The following CACNG2 variants were observed in gnomAD, a reference collection of about 807,000 sequenced individuals.
CACNG2 encodes the protein calcium voltage-gated channel auxiliary subunit gamma 2.
In CACNG2, 3 loss-of-function variants were observed where a neutral mutation model predicts 25.9. The observed-to-expected ratio is 0.12, with a 90% CI of 0.05 to 0.30. The LOEUF is 0.30. CACNG2 is among the 10% of genes least tolerant of loss of function. The pLI is 1.00. For synonymous variants in CACNG2, 167 were observed against 173.3 expected, an observed-to-expected ratio of 0.96 and a Z score of 0.29; for missense variants, 341 against 432.5, an observed-to-expected ratio of 0.79 and a Z score of 1.88.
intron 1 of CACNG2, among the ~76,000 whole-genome samples, chr22:36,685,763 C>T (rs2284011): frequency 0.19 from 28,310 of 152,270 alleles, 3,342 homozygotes; most frequent in African/African-American, 0.32. Flanking sequence ...GCTGATTCCA[C>T]GGGAAGCCAA....
chr22:36,690,924 A>T (rs1937260795), intron 1 of CACNG2, among the ~76,000 whole-genome samples: 1 of 152,232 alleles, frequency 6.6e-6, no homozygotes. Context: ...TTGCTTTGTG[A>T]TGGGGCCTCT....
intron 1 of CACNG2, among the ~76,000 whole-genome samples, chr22:36,631,420 A>G (rs131829): frequency 0.79 from 120,048 of 152,022 alleles, 47,492 homozygotes; most frequent in African/African-American, 0.84. Context: ...CCTCTGTGTC[A>G]GCAGTGTCCT....
intron 1 of CACNG2, among the ~76,000 whole-genome samples, chr22:36,656,920 T>C (rs1048853247): frequency 3.3e-5 from 5 of 152,182 alleles, no homozygotes; most frequent in African/African-American, 1.2e-4. Flanking sequence ...GACCTATATT[T>C]TGCTTTATTT....
intron 2 of CACNG2, among the ~76,000 whole-genome samples, chr22:36,580,142 T>C (rs1324833947): frequency 1.3e-5 from 2 of 152,128 alleles, no homozygotes; most frequent in Admixed American, 6.5e-5. Flanking sequence ...ATGAGCATCA[T>C]CCCCATTGCA....
chr22:36,564,972 A>T lies in CACNG2; in HGVS notation c.437-86T>A. Reference sequence around the variant, plus strand: ...GTCGGCCACAGGGCAGCCGTAAAGGACGGGGACAGCTGTGTGGGCCTTCCC... The same window carrying T: ...GTCGGCCACAGGGCAGCCGTAAAGGTCGGGGACAGCTGTGTGGGCCTTCCC... On this transcript the variant is annotated intron_variant, in intron 3 of 3. Transcript: ENST00000300105. The surrounding 1 kb of genome is among the most constrained non-coding windows in gnomAD (Gnocchi z 6.7). The T allele has an allele frequency of 2.4e-6, 3 of 1,261,388 alleles. No individual in the cohort carries two copies. In the South Asian group the frequency reaches 3.6e-5, roughly 15 times the overall value. 78.1% of individuals were successfully genotyped at this position (1,261,388 alleles called of 1,614,324 possible). A position where few individuals can be genotyped will look rare whatever the true frequency, so the allele number is the denominator to read the frequency against.
At chr22:36,633,596 A>G (rs1936309019) in intron 1 of CACNG2, among the ~76,000 whole-genome samples, 1 of 152,254 alleles carries the variant, frequency 6.6e-6, no homozygotes, top group South Asian at 2.1e-4. Context: ...ATGGTTAGAC[A>G]GCTATTTAGA....
chr22:36,609,651 G>T (rs1461465392), intron 1 of CACNG2, among the ~76,000 whole-genome samples: 2 of 103,132 alleles, frequency 1.9e-5, no homozygotes, highest in African/African-American at 6.8e-5. Context: ...GATTGGGCAG[G>T]AATCAGCCCC....
chr22:36,614,928 G>C (rs879536834), intron 1 of CACNG2, among the ~76,000 whole-genome samples: 1 of 152,142 alleles, frequency 6.6e-6, no homozygotes, highest in Non-Finnish European at 1.5e-5. Flanking sequence ...AATGCATTTC[G>C]CCTTTCCAAG....
At chr22:36,634,359 G>T (rs1936323824) in intron 1 of CACNG2, among the ~76,000 whole-genome samples, 1 of 152,196 alleles carries the variant, frequency 6.6e-6, no homozygotes, top group Non-Finnish European at 1.5e-5. Flanking sequence ...CTAGTTTGAG[G>T]CAGGGGATCA....
chr22:36,589,714 T>G (rs1313088165), intron 1 of CACNG2, among the ~76,000 whole-genome samples: 2 of 152,106 alleles, frequency 1.3e-5, no homozygotes, highest in African/African-American at 4.8e-5. Flanking sequence ...TTCCCTGCTT[T>G]TTGCTGTCCC....
chr22:36,651,575 T>C (rs1353928599), intron 1 of CACNG2, among the ~76,000 whole-genome samples: 1 of 152,188 alleles, frequency 6.6e-6, no homozygotes, highest in Non-Finnish European at 1.5e-5. Flanking sequence ...CATTTTGAAC[T>C]GGGCCCTGCA....
chr22:36,594,910 ATGTG>A (rs1216695807), intron 1 of CACNG2, among the ~76,000 whole-genome samples: 1 of 126,162 alleles, frequency 7.9e-6, no homozygotes, highest in East Asian at 2.4e-4. Flanking sequence ...GTGTGTGTGC[ATGTG>A]TGTGTCTGTG....
At chr22:36,647,559 G>T (rs1338054195) in intron 1 of CACNG2, among the ~76,000 whole-genome samples, 1 of 151,750 alleles carries the variant, frequency 6.6e-6, no homozygotes, top group East Asian at 1.9e-4. Flanking sequence ...TCATGCCATT[G>T]CACTCCAGCC....
chr22:36,580,269 C>T (rs539171490), intron 2 of CACNG2, among the ~76,000 whole-genome samples: 13 of 152,096 alleles, frequency 8.5e-5, no homozygotes, highest in East Asian at 1.9e-4. Flanking sequence ...ACCCCCCAGA[C>T]GGCCATCGTA....
rs758357916 is a variant in CACNG2 at position 36,564,654 on chromosome 22, G to T, written c.669C>A (p.Ile223=). The change falls in exon 4 of 4, where the codon ATC becomes ATA. Residue 223 remains isoleucine (I), a synonymous_variant. Transcript: ENST00000300105. This position sits in a 1 kb window ranked among gnomAD's most constrained non-coding sequence, Gnocchi z 6.7. ...RATDYLQASA[I]TRIPSYRYRY... ...GGTAGCGGTAGCTGGGGATGCGGGT[G>T]ATGGCAGAGGCCTGGAGGTAGTCCG... 9.3e-6 allele frequency: 15 copies of T among 1,613,828 alleles called. No homozygotes were observed. Among genetic ancestry groups the T allele is most frequent in the Non-Finnish European group, 1.3e-5 (15 of 1,180,020 alleles).
At chr22:36,602,863 CT>C (rs1485681937) in intron 1 of CACNG2, among the ~76,000 whole-genome samples, 81 of 151,950 alleles carry the variant, frequency 5.3e-4, no homozygotes, top group African/African-American at 1.9e-3. Context: ...GTTTCTCCCC[CT>C]CTCCTTGGAC....
At chr22:36,636,892 G>T (rs1316378158) in intron 1 of CACNG2, among the ~76,000 whole-genome samples, 1 of 152,222 alleles carries the variant, frequency 6.6e-6, no homozygotes, top group Admixed American at 6.5e-5. Flanking sequence ...CAGAGAAGAA[G>T]CTGGGCTTTG....
chr22:36,598,516 G>T lies in CACNG2; in HGVS notation c.212-10968C>A, dbSNP rs541989266. 3.3e-5 allele frequency among the ~76,000 whole-genome samples: 5 copies of T among 152,072 alleles called. No homozygotes were observed. In the South Asian group the frequency reaches 1.0e-3, roughly 32 times the overall value. ...GCCTGTAATCCCAGCTACTCGGGAG[G>T]CTGAGGCCTGAGAATCACTTGAACC... On this transcript the variant is annotated intron_variant, in intron 1 of 3. Coordinates refer to ENST00000300105, the MANE Select transcript of CACNG2 (RefSeq NM_006078.5).
intron 1 of CACNG2, among the ~76,000 whole-genome samples, chr22:36,663,618 T>A (rs1349635110): frequency 1.3e-5 from 2 of 152,180 alleles, no homozygotes; most frequent in Non-Finnish European, 2.9e-5. Flanking sequence ...TCTTTATTAA[T>A]GCGTCGCGAG....
Sources: gnomAD v4.1 joint callset for allele counts (sites outside exome capture counted in the v4.1 genomes callset) on GRCh38, gnomAD v4.1.1 for gene constraint, Gnocchi (gnomAD v3.1) non-coding constraint, MANE v1.5 for transcripts, NCBI Gene and HGNC (gene_info 2026-07-23, HGNC 2026-07-21) for gene names.